Variants in FABP6 observed in about 807,000 individuals in gnomAD.
FABP6 encodes the protein fatty acid binding protein 6.
A neutral mutation model predicts 14.9 loss-of-function variants in FABP6; 13 were observed. The observed-to-expected ratio is 0.87, with a 90% CI of 0.57 to 1.39. The LOEUF is 1.39. FABP6 is among the 40% of genes most tolerant of loss of function. The probability of loss-of-function intolerance (pLI) is 0.00; values close to 1 mark genes in which losing one functional copy is unlikely to be tolerated. For missense variants in FABP6, 161 were observed against 167.2 expected (o/e 0.96, Z 0.20); for synonymous variants, 75 against 63.6 (o/e 1.18, Z -0.85).
At chr5:160,222,098 T>C (rs1760140947) in intron 3 of FABP6, among the ~76,000 whole-genome samples, 1 of 148,192 alleles carries the variant, frequency 6.7e-6, no homozygotes, top group Admixed American at 6.7e-5. Flanking sequence ...TTCTTTTCTT[T>C]TTTTTTTTTT....
chr5:160,234,093 G>GT (rs1234570473), intron 2 of FABP6, among the ~76,000 whole-genome samples: 1 of 152,070 alleles, frequency 6.6e-6, no homozygotes, highest in Non-Finnish European at 1.5e-5. Flanking sequence ...CAGATAAGCT[G>GT]TAAGTCTGCC....
chr5:160,203,595 T>C (rs1399447480), intron 2 of FABP6, among the ~76,000 whole-genome samples: 1 of 152,218 alleles, frequency 6.6e-6, no homozygotes, highest in East Asian at 1.9e-4. Context: ...ACTCCTGGGA[T>C]CAAGCAATCC....
exon 2 of FABP6, chr5:160,199,141 T>A: frequency 6.2e-7 from 1 of 1,614,162 alleles, no homozygotes; most frequent in Non-Finnish European, 8.5e-7. Context: ...GTGGTGGAGA[T>A]GCAGGCGCTG....
chr5:160,196,378 C>T (rs1466044538), intron 1 of FABP6, among the ~76,000 whole-genome samples: 1 of 152,118 alleles, frequency 6.6e-6, no homozygotes, highest in Non-Finnish European at 1.5e-5. Flanking sequence ...AACAGGAGGC[C>T]CCAAAAAGGA....
chr5:160,207,118 A>C (rs1439954262), intron 2 of FABP6, among the ~76,000 whole-genome samples: 1 of 152,254 alleles, frequency 6.6e-6, no homozygotes, highest in Non-Finnish European at 1.5e-5. Context: ...GAAATGCAAA[A>C]TAGCACAGTG....
At chr5:160,214,800 G>GAAAT (rs936120304) in intron 3 of FABP6, among the ~76,000 whole-genome samples, 4 of 144,774 alleles carry the variant, frequency 2.8e-5, no homozygotes, top group Admixed American at 2.7e-4. Flanking sequence ...TAAAAAGAAA[G>GAAAT]AAAGAAAGAA....
intron 3 of FABP6, among the ~76,000 whole-genome samples, chr5:160,219,262 C>G (rs1445674361): frequency 6.6e-6 from 1 of 152,174 alleles, no homozygotes; most frequent in Admixed American, 6.5e-5. Flanking sequence ...ATTCCCACCC[C>G]CTTCTCCAGG....
At chr5:160,231,677 T>C (rs1178096936) in intron 1 of FABP6, among the ~76,000 whole-genome samples, 1 of 152,178 alleles carries the variant, frequency 6.6e-6, no homozygotes, top group African/African-American at 2.4e-5. Flanking sequence ...ATTACAGGCA[T>C]GAACCACCAT....
intron 1 of FABP6, chr5:160,198,978 A>G: frequency 1.1e-6 from 1 of 934,582 alleles, no homozygotes; most frequent in Admixed American, 1.9e-5. Context: ...TGGATTGAAT[A>G]GACAAATGAA....
intron 1 of FABP6, among the ~76,000 whole-genome samples, chr5:160,194,795 T>C (rs1759477410): frequency 6.6e-6 from 1 of 152,150 alleles, no homozygotes; most frequent in Admixed American, 6.6e-5. Context: ...TGACCACTGC[T>C]CTGATGGCCG....
intron 3 of FABP6, among the ~76,000 whole-genome samples, chr5:160,235,719 C>T (rs1421335208): frequency 6.6e-6 from 1 of 152,152 alleles, no homozygotes; most frequent in East Asian, 1.9e-4. Flanking sequence ...GCAGGGAAGA[C>T]ATGATGAGGG....
chr5:160,236,970 C>T (rs1760531051), intron 3 of FABP6, among the ~76,000 whole-genome samples: 1 of 151,866 alleles, frequency 6.6e-6, no homozygotes. Flanking sequence ...AAGAGCAAAA[C>T]TCTGTCTCAA....
upstream of FABP6, among the ~76,000 whole-genome samples, chr5:160,226,809 A>T (rs1580919943): frequency 6.6e-6 from 1 of 152,300 alleles, no homozygotes; most frequent in Middle Eastern, 3.4e-3. Context: ...CATCATTATT[A>T]TTATCAGTGA....
At chr5:160,214,445 G>T (rs917279666) in intron 3 of FABP6, among the ~76,000 whole-genome samples, 1 of 151,884 alleles carries the variant, frequency 6.6e-6, no homozygotes, top group Non-Finnish European at 1.5e-5. Flanking sequence ...GATTACAGAT[G>T]TATGTCACCA....
At chr5:160,200,407 T>C (rs1580900203) in intron 2 of FABP6, among the ~76,000 whole-genome samples, 1 of 64,564 alleles carries the variant, frequency 1.5e-5, no homozygotes, top group South Asian at 6.7e-4. Context: ...GTTGAGTCCT[T>C]TTTTTTCTAT....
intron 2 of FABP6, among the ~76,000 whole-genome samples, chr5:160,205,687 C>T (rs935524462): frequency 1.3e-5 from 2 of 152,190 alleles, no homozygotes; most frequent in African/African-American, 4.8e-5. Flanking sequence ...GTGAAATTTT[C>T]CTTATTCTTA....
At chr5:160,238,153 G>A (rs146441378) in intron 3 of FABP6, among the ~76,000 whole-genome samples, 21 of 152,248 alleles carry the variant, frequency 1.4e-4, no homozygotes, top group African/African-American at 4.6e-4. Context: ...TAGGCTTCTC[G>A]AGAGTAGGGA....
At chr5:160,212,789 A>C (rs1384019993) in intron 2 of FABP6, among the ~76,000 whole-genome samples, 1 of 152,050 alleles carries the variant, frequency 6.6e-6, no homozygotes, top group Admixed American at 6.6e-5. Context: ...AATTTTAAAA[A>C]TATTTTTGGT....
At chr5:160,224,580 G>C (rs1290094612), upstream of FABP6, among the ~76,000 whole-genome samples, 1 of 152,150 alleles carries the variant, frequency 6.6e-6, no homozygotes, top group East Asian at 1.9e-4. Context: ...GGTCTCTTGA[G>C]TCAAATAGTT....
Sources: allele counts gnomAD v4.1 joint callset (sites outside exome capture counted in the v4.1 genomes callset), GRCh38; gene constraint gnomAD v4.1.1; transcripts MANE v1.5; gene names NCBI Gene and HGNC (gene_info 2026-07-23, HGNC 2026-07-21).